TTC7B: variants seen among roughly 807,000 people sequenced by gnomAD.
The protein encoded by TTC7B is tetratricopeptide repeat domain 7B.
TTC7B carries 28 observed loss-of-function variants against 106.8 expected under a neutral mutation model. The observed-to-expected ratio is 0.26, with a 90% confidence interval of 0.19 to 0.36. TTC7B has a LOEUF of 0.36. TTC7B is among the 10% of genes least tolerant of loss of function. The pLI, the probability that TTC7B is intolerant of heterozygous loss-of-function variation, is 1.00. For missense variants in TTC7B, 862 were observed against 1,076.4 expected (o/e 0.80, Z 2.79); for synonymous variants, 405 against 430.6 (o/e 0.94, Z 0.74).
intron 16 of TTC7B, among the ~76,000 whole-genome samples, chr14:90,615,513 A>T (rs1334078863): frequency 6.6e-6 from 1 of 152,192 alleles, no homozygotes; most frequent in African/African-American, 2.4e-5. Context: ...AGAAGCCATG[A>T]TTCTTAGGCG....
chr14:90,790,120 G>A (rs1224526180), intron 1 of TTC7B, among the ~76,000 whole-genome samples: 2 of 152,016 alleles, frequency 1.3e-5, no homozygotes, highest in Non-Finnish European at 2.9e-5. Context: ...ATAGAAGTCT[G>A]TCTAAATATC....
At chr14:90,784,736 G>T (rs72695525) in intron 2 of TTC7B, among the ~76,000 whole-genome samples, 6,484 of 152,194 alleles carry the variant, frequency 0.043, 177 homozygotes, top group Non-Finnish European at 0.058. Context: ...ATGCAGCAGG[G>T]AGTCTTTAAG....
At chr14:90,620,539 G>T (rs553870516) in intron 15 of TTC7B, among the ~76,000 whole-genome samples, 1 of 152,202 alleles carries the variant, frequency 6.6e-6, no homozygotes, top group Non-Finnish European at 1.5e-5. Flanking sequence ...AGGCATGAGT[G>T]CCAAGCAATT....
chr14:90,660,155 A>G (rs1886129131), intron 9 of TTC7B, among the ~76,000 whole-genome samples: 1 of 151,990 alleles, frequency 6.6e-6, no homozygotes, highest in South Asian at 2.1e-4. Flanking sequence ...AGGCTGAGGC[A>G]GGAGGATCAC....
chr14:90,754,127 G>A (rs183596716), intron 3 of TTC7B, among the ~76,000 whole-genome samples: 2 of 152,252 alleles, frequency 1.3e-5, no homozygotes, highest in African/African-American at 4.8e-5. Flanking sequence ...CTACGAGGGG[G>A]GATTTACTAA....
chr14:90,633,012 G>A (rs1447943149), intron 15 of TTC7B, among the ~76,000 whole-genome samples: 2 of 152,326 alleles, frequency 1.3e-5, no homozygotes, highest in East Asian at 3.9e-4. Context: ...AAATGTGACT[G>A]TCTGATAAAA....
At chr14:90,809,257 C>A (rs1454488393) in intron 1 of TTC7B, among the ~76,000 whole-genome samples, 4 of 152,102 alleles carry the variant, frequency 2.6e-5, no homozygotes, top group Non-Finnish European at 4.4e-5. Context: ...TGGATGTCAC[C>A]CTTAAGCAAA....
At position 90,655,068 on chromosome 14, in the gene TTC7B, C is replaced by T; in HGVS notation, c.1384G>A (p.Gly462Arg). 1 of 1,614,204 alleles carries T rather than the reference C, an allele frequency of 6.2e-7. No homozygotes were observed. Among genetic ancestry groups the T allele is most frequent in the Non-Finnish European group, 8.5e-7 (1 of 1,180,024 alleles). The change falls in exon 12 of 20, where the codon GGA becomes AGA. Residue 462 changes from glycine to arginine, a missense_variant. Transcript: ENST00000328459. ...EKFAKTVVDVGEKTSEFKAKG... is the reference protein window; with the variant it reads ...EKFAKTVVDVREKTSEFKAKG... The stretch of plus-strand genomic sequence containing the variant: ...GCCTTGAACTCTGACGTTTTCTCTC[C>T]CACATCAACGACAGTTTTGGCAAAC...
intron 6 of TTC7B, among the ~76,000 whole-genome samples, chr14:90,693,240 G>A (rs1887543908): frequency 1.3e-5 from 2 of 152,026 alleles, no homozygotes; most frequent in Admixed American, 6.6e-5. Flanking sequence ...CTCCACTCAA[G>A]CACCCACTGG....
Position 90,624,567 on chromosome 14 carries a change from G to A in TTC7B, c.1752-6522C>T, listed in dbSNP as rs1240481482. On this transcript the variant is annotated intron_variant, in intron 15 of 19. Transcript: ENST00000328459. The surrounding 1 kb of genome is among the most constrained non-coding windows in gnomAD (Gnocchi z 4.0). ...CCCCAGTGAGTCCCAGACTTGGGCA[G>A]GGGCCAAAGATAGAGTGAAAAGGGC... Among the ~76,000 whole-genome samples the A allele has an allele frequency of 6.6e-6, 1 of 152,222 alleles. No homozygotes were observed. The highest frequency in any genetic ancestry group is 1.9e-4 in the East Asian group (1 of 5,194).
At chr14:90,592,207 G>C (rs1305744195) in intron 18 of TTC7B, among the ~76,000 whole-genome samples, 1 of 152,142 alleles carries the variant, frequency 6.6e-6, no homozygotes, top group African/African-American at 2.4e-5. Flanking sequence ...AGGGACAATT[G>C]GTGGATAATA....
At position 90,573,264 on chromosome 14, in the gene TTC7B, A is replaced by G. The variant is rs186742485; in HGVS notation, c.2310+4842T>C. ...GAATGCTCATCCTGCAGGTGGACGCAGCAGTTCTCCTCCTTCCCCACTGCA... is the reference window on the plus strand; with the variant it reads ...GAATGCTCATCCTGCAGGTGGACGCGGCAGTTCTCCTCCTTCCCCACTGCA... On this transcript the variant is annotated intron_variant, in intron 19 of 19. Transcript: ENST00000328459. Among the ~76,000 whole-genome samples, 631 of 152,314 alleles carry G rather than the reference A, an allele frequency of 4.1e-3. 6 individuals carry two copies. The highest frequency in any genetic ancestry group is 0.011 in the Admixed American group (175 of 15,310).
chr14:90,567,265 C>G (rs1890837853), intron 19 of TTC7B, among the ~76,000 whole-genome samples: 1 of 152,244 alleles, frequency 6.6e-6, no homozygotes, highest in South Asian at 2.1e-4. Context: ...TCCAAATGAG[C>G]TCGTCTATCG....
chr14:90,706,247 C>T (rs965143208), intron 5 of TTC7B, among the ~76,000 whole-genome samples: 5 of 151,472 alleles, frequency 3.3e-5, no homozygotes, highest in Non-Finnish European at 1.5e-5. Context: ...ACTGCAAGCT[C>T]CACCTCCCGG....
At chr14:90,551,580 T>C (rs1008289484) in intron 19 of TTC7B, among the ~76,000 whole-genome samples, 4 of 152,188 alleles carry the variant, frequency 2.6e-5, no homozygotes, top group Admixed American at 2.6e-4. Context: ...GAGGATGCCA[T>C]TGATCAGAGG....
chr14:90,604,361 T>C (rs1211662187), intron 17 of TTC7B, among the ~76,000 whole-genome samples: 2 of 152,258 alleles, frequency 1.3e-5, no homozygotes, highest in African/African-American at 2.4e-5. Context: ...GTTTAAACAG[T>C]ATCTTCATCT....
At position 90,749,803 on chromosome 14, in the gene TTC7B, A is replaced by G. The variant is rs533938985; in HGVS notation, c.446-4881T>C. ...TTTTGCAATGTCTAATCTGCCATTAATCACATCCAGTGTACTTTTCATATC... is the reference window on the plus strand; with the variant it reads ...TTTTGCAATGTCTAATCTGCCATTAGTCACATCCAGTGTACTTTTCATATC... On this transcript the variant is annotated intron_variant, in intron 3 of 19. Transcript: ENST00000328459. 1.5e-4 allele frequency among the ~76,000 whole-genome samples: 23 copies of G among 152,344 alleles called. 1 individual carries two copies. In the South Asian group the frequency reaches 3.5e-3, roughly 23 times the overall value.
chr14:90,770,291 T>C (rs990253127), intron 3 of TTC7B, among the ~76,000 whole-genome samples: 1 of 152,134 alleles, frequency 6.6e-6, no homozygotes, highest in African/African-American at 2.4e-5. Flanking sequence ...AATTCACACA[T>C]TGAATTGAAG....
chr14:90,791,530 G>C (rs12894656), intron 1 of TTC7B, among the ~76,000 whole-genome samples: 78,042 of 152,032 alleles, frequency 0.51, 22,467 homozygotes, highest in Admixed American at 0.64. Flanking sequence ...AGAGCACGCG[G>C]CTGCCCAGTT....
Sources: allele counts gnomAD v4.1 joint callset (sites outside exome capture counted in the v4.1 genomes callset), GRCh38; gene constraint gnomAD v4.1.1; non-coding constraint Gnocchi (gnomAD v3.1); transcripts MANE v1.5; gene names NCBI Gene and HGNC (gene_info 2026-07-23, HGNC 2026-07-21).